CCDC192: variants seen among roughly 807,000 people sequenced by gnomAD.
The protein encoded by CCDC192 is coiled-coil domain-containing protein 192.
At chr5:127,791,978 C>T (rs1756889342) in intron 3 of CCDC192, among the ~76,000 whole-genome samples, 1 of 152,054 alleles carries the variant, frequency 6.6e-6, no homozygotes, top group Non-Finnish European at 1.5e-5. Flanking sequence ...GATGTATGAG[C>T]AAGTTGGGAA....
At chr5:127,845,297 C>G (rs1750483356) in intron 5 of CCDC192, among the ~76,000 whole-genome samples, 1 of 152,108 alleles carries the variant, frequency 6.6e-6, no homozygotes, top group African/African-American at 2.4e-5. Flanking sequence ...GCCGCCCTTT[C>G]AAGACATGTG....
intron 6 of CCDC192, among the ~76,000 whole-genome samples, chr5:127,876,999 G>C (rs568241732): frequency 6.8e-4 from 104 of 152,234 alleles, no homozygotes; most frequent in African/African-American, 2.4e-3. Context: ...CCATTTAAAA[G>C]TCCTTATTCT....
chr5:127,733,933 T>TATATA (rs1561453643), intron 2 of CCDC192, among the ~76,000 whole-genome samples: 4 of 150,004 alleles, frequency 2.7e-5, no homozygotes, highest in South Asian at 4.2e-4. Context: ...ATATATATAT[T>TATATA]TTTTTATTAT....
intron 5 of CCDC192, among the ~76,000 whole-genome samples, chr5:127,850,111 GC>G (rs1490390008): frequency 6.6e-6 from 1 of 152,150 alleles, no homozygotes; most frequent in Non-Finnish European, 1.5e-5. Context: ...CAGTGCTGCC[GC>G]CTGAATCTGT....
intron 6 of CCDC192, among the ~76,000 whole-genome samples, chr5:127,879,434 A>G (rs1298897995): frequency 8.3e-6 from 1 of 120,616 alleles, no homozygotes; most frequent in Non-Finnish European, 1.7e-5. Context: ...ACAAAAATCA[A>G]TTCAAGATGG....
intron 3 of CCDC192, chr5:127,785,031 T>C (rs1756457905): frequency 2.1e-6 from 1 of 483,498 alleles, no homozygotes; most frequent in East Asian, 5.6e-5. Flanking sequence ...GTAGGACTTA[T>C]GCCAAAATGT....
At chr5:127,928,015 C>T (rs1184464671) in intron 6 of CCDC192, among the ~76,000 whole-genome samples, 3 of 150,266 alleles carry the variant, frequency 2.0e-5, no homozygotes, top group Admixed American at 6.7e-5. Flanking sequence ...GCAGCCTCCA[C>T]CTCCCAGATT....
At chr5:127,794,911 G>A (rs1216494772) in intron 3 of CCDC192, among the ~76,000 whole-genome samples, 1 of 152,148 alleles carries the variant, frequency 6.6e-6, no homozygotes, top group Non-Finnish European at 1.5e-5. Flanking sequence ...GTGGTTATAG[G>A]AAATGAACAA....
intron 2 of CCDC192, among the ~76,000 whole-genome samples, chr5:127,711,455 T>C (rs1200947203): frequency 6.6e-6 from 1 of 152,220 alleles, no homozygotes; most frequent in East Asian, 1.9e-4. Flanking sequence ...CTAAAACATA[T>C]TATATTTGAT....
rs999081646 is a variant in CCDC192 at position 127,907,071 on chromosome 5, G to T, written c.535+31410G>T. ...TTTTTTCACGATAGCCATCCTAACAGGTGTGAAGTGTTAGCTCATTTTGGT... is the reference window on the plus strand; with the variant it reads ...TTTTTTCACGATAGCCATCCTAACATGTGTGAAGTGTTAGCTCATTTTGGT... On this transcript the variant is annotated intron_variant, in intron 6 of 6. Transcript: ENST00000514853. Among the ~76,000 whole-genome samples, 5 of 151,766 alleles carry T rather than the reference G, an allele frequency of 3.3e-5. No individual in the cohort carries two copies. In the East Asian group the frequency reaches 9.7e-4, roughly 29 times the overall value.
At chr5:127,877,810 C>G (rs1486117738) in intron 6 of CCDC192, among the ~76,000 whole-genome samples, 1 of 152,176 alleles carries the variant, frequency 6.6e-6, no homozygotes, top group African/African-American at 2.4e-5. Context: ...ATTTCTGGAC[C>G]TAGAACACCA....
chr5:127,760,351 G>A (rs574580291), intron 3 of CCDC192, among the ~76,000 whole-genome samples: 18 of 150,676 alleles, frequency 1.2e-4, no homozygotes, highest in African/African-American at 4.1e-4. Flanking sequence ...TAAGGCAGAA[G>A]CAGCCAAATC....
In CCDC192 at chr5:127,751,865, T is replaced by C. The variant is rs1268918116; in HGVS notation, c.115-2403T>C. Among the ~76,000 whole-genome samples the C allele has an allele frequency of 2.0e-5, 3 of 152,224 alleles. No individual in the cohort carries two copies. In the East Asian group the frequency reaches 5.8e-4, roughly 29 times the overall value. The stretch of plus-strand genomic sequence containing the variant: ...TCCTTCTCGCTTCATTTCATTCATT[T>C]CTTCTTCCATTGCTGATACCCTTTC... On this transcript the variant is annotated intron_variant, in intron 2 of 6. Transcript: ENST00000514853.
chr5:127,707,780 T>C lies in CCDC192; in HGVS notation c.114+20T>C, dbSNP rs371859739. On this transcript the variant is annotated intron_variant, in intron 2 of 6. Coordinates refer to ENST00000514853, the MANE Select transcript of CCDC192 (RefSeq NM_001317938.2). ...GTATCGGTAAGAAATGAAGTTTGTA[T>C]GAATTCTTTATTTAAAAAAATCATT... 8 of 398,524 alleles carry C rather than the reference T, an allele frequency of 2.0e-5. No homozygotes were observed. The highest frequency in any genetic ancestry group is 1.6e-4 in the African/African-American group (8 of 48,712). 24.7% of individuals were successfully genotyped at this position (398,524 alleles called of 1,614,324 possible).
At chr5:127,872,480 G>C (rs1751904669) in intron 5 of CCDC192, among the ~76,000 whole-genome samples, 2 of 152,132 alleles carry the variant, frequency 1.3e-5, no homozygotes, top group Non-Finnish European at 2.9e-5. Context: ...TGCCCCTCGG[G>C]GAGCTGGAGA....
At chr5:127,704,937 G>A (rs560868013) in intron 1 of CCDC192, among the ~76,000 whole-genome samples, 1 of 151,910 alleles carries the variant, frequency 6.6e-6, no homozygotes, top group African/African-American at 2.4e-5. Context: ...TTGACATGAA[G>A]AATGAAGTAA....
intron 6 of CCDC192, among the ~76,000 whole-genome samples, chr5:127,925,199 A>C (rs1389528722): frequency 6.6e-6 from 1 of 152,224 alleles, no homozygotes; most frequent in African/African-American, 2.4e-5. Context: ...CTTACCTGAT[A>C]AAGTAGGTAA....
Position 127,785,982 on chromosome 5 carries a change from T to G in CCDC192, c.223-11121T>G, listed in dbSNP as rs182676960. 7 of 558,254 alleles carry G rather than the reference T, an allele frequency of 1.3e-5. No individual in the cohort carries two copies. The African/African-American group carries it at 1.3e-4, about 11-fold the overall frequency. 34.6% of individuals were successfully genotyped at this position (558,254 alleles called of 1,614,324 possible). On this transcript the variant is annotated intron_variant, in intron 3 of 6. Coordinates refer to ENST00000514853, the MANE Select transcript of CCDC192 (RefSeq NM_001317938.2). The stretch of plus-strand genomic sequence containing the variant: ...TTTTGGGGTCATTTAAAGCAGCTTC[T>G]CCACATTTTTCAATAGCTAAAAGAC...
At chr5:127,867,404 G>A (rs1242290705) in intron 5 of CCDC192, among the ~76,000 whole-genome samples, 1 of 152,218 alleles carries the variant, frequency 6.6e-6, no homozygotes, top group Non-Finnish European at 1.5e-5. Flanking sequence ...CACTAAGCAG[G>A]TATGGGAATT....
Sources: allele counts gnomAD v4.1 joint callset (sites outside exome capture counted in the v4.1 genomes callset), GRCh38; gene constraint gnomAD v4.1.1; transcripts MANE v1.5; gene names NCBI Gene and HGNC (gene_info 2026-07-23, HGNC 2026-07-21).